RAP1GDS1: variants seen among roughly 807,000 people sequenced by gnomAD.
RAP1GDS1 encodes RAP1, GTP-GDP dissociation stimulator 1.
RAP1GDS1 carries 35 observed loss-of-function variants against 71.1 expected under a neutral mutation model. That is an observed-to-expected ratio of 0.49 (90% CI 0.38 to 0.65). The LOEUF is 0.65. Ranked by LOEUF, RAP1GDS1 falls within the 30% of genes least tolerant of loss-of-function variation. The pLI, the probability that RAP1GDS1 is intolerant of heterozygous loss-of-function variation, is 0.00. For missense variants in RAP1GDS1, 663 were observed against 706.1 expected (o/e 0.94, Z 0.69); for synonymous variants, 229 against 243.1 (o/e 0.94, Z 0.54).
In RAP1GDS1 at chr4:98,442,168, C is replaced by T. The variant is rs772102951; in HGVS notation, c.*51C>T. On this transcript the variant is annotated 3_prime_UTR_variant, in exon 15 of 15. Transcript: ENST00000408927. Reference sequence around the variant, plus strand: ...CCATCTCTAATTTCCCCTCTGTCCTCCATCCAGCGGCTTCTTCCGCTTCAT... The same window carrying T: ...CCATCTCTAATTTCCCCTCTGTCCTTCATCCAGCGGCTTCTTCCGCTTCAT... The T allele has an allele frequency of 1.3e-6, 2 of 1,594,682 alleles. No individual in the cohort carries two copies. Among genetic ancestry groups the T allele is most frequent in the Non-Finnish European group, 1.7e-6 (2 of 1,173,042 alleles).
intron 2 of RAP1GDS1, among the ~76,000 whole-genome samples, chr4:98,303,563 C>T (rs1365286362): frequency 6.7e-6 from 1 of 149,572 alleles, no homozygotes; most frequent in African/African-American, 2.4e-5. Context: ...GCTTATAAGA[C>T]TTGGGCCAGT....
At chr4:98,381,622 C>G (rs1171047070) in intron 5 of RAP1GDS1, among the ~76,000 whole-genome samples, 1 of 151,454 alleles carries the variant, frequency 6.6e-6, no homozygotes, top group East Asian at 1.9e-4. Context: ...TCTATTAGCA[C>G]TAATAAGTGA....
At chr4:98,329,372 T>G (rs912062475) in intron 2 of RAP1GDS1, among the ~76,000 whole-genome samples, 1 of 152,236 alleles carries the variant, frequency 6.6e-6, no homozygotes, top group African/African-American at 2.4e-5. Flanking sequence ...TATCATTTAT[T>G]TAATCTCATC....
intron 2 of RAP1GDS1, among the ~76,000 whole-genome samples, chr4:98,318,760 C>T (rs559247523): frequency 9.2e-5 from 14 of 152,176 alleles, no homozygotes; most frequent in South Asian, 4.1e-4. Flanking sequence ...GCATATACAG[C>T]GTGGATAAAG....
At chr4:98,423,649 A>G (rs932756672) in intron 12 of RAP1GDS1, among the ~76,000 whole-genome samples, 1 of 151,958 alleles carries the variant, frequency 6.6e-6, no homozygotes, top group Non-Finnish European at 1.5e-5. Flanking sequence ...GGATCAAGTG[A>G]TTCTCCTGCC....
chr4:98,390,769 A>T lies in RAP1GDS1; in HGVS notation c.509-1183A>T, dbSNP rs1473085863. Among the ~76,000 whole-genome samples the T allele has an allele frequency of 2.6e-5, 4 of 152,296 alleles. No homozygotes were observed. The East Asian group carries it at 7.7e-4, about 29-fold the overall frequency. On this transcript the variant is annotated intron_variant, in intron 5 of 14. Transcript: ENST00000408927. ...AGTAATAAAAAAAATTAGCAGGCCAACCCTGCCAAGGGATTGGAACTATGA... is the reference window on the plus strand; with the variant it reads ...AGTAATAAAAAAAATTAGCAGGCCATCCCTGCCAAGGGATTGGAACTATGA...
At chr4:98,427,557 A>G (rs573435338) in intron 12 of RAP1GDS1, among the ~76,000 whole-genome samples, 7 of 152,218 alleles carry the variant, frequency 4.6e-5, no homozygotes, top group South Asian at 4.1e-4. Context: ...TAGCTCTCCT[A>G]TCACCAAGAG....
chr4:98,280,026 C>T lies in RAP1GDS1; in HGVS notation c.5-13382C>T, dbSNP rs9990962. On this transcript the variant is annotated intron_variant, in intron 1 of 14. Transcript: ENST00000408927. The stretch of plus-strand genomic sequence containing the variant: ...TCTATCATTGGTGGACATTTGGGTT[C>T]GTTCCCAGTCTTTGCTATTGTGAAT... Among the ~76,000 whole-genome samples, 755 of 152,136 alleles carry T rather than the reference C, an allele frequency of 5.0e-3. 7 individuals carry two copies. Among genetic ancestry groups the T allele is most frequent in the South Asian group, 0.018 (86 of 4,814 alleles).
chr4:98,347,098 T>G (rs1442277109), intron 3 of RAP1GDS1, among the ~76,000 whole-genome samples: 1 of 152,236 alleles, frequency 6.6e-6, no homozygotes, highest in Non-Finnish European at 1.5e-5. Context: ...TTTATTTGGC[T>G]TGAAAATTTT....
intron 2 of RAP1GDS1, 58 bp from the exon 3 acceptor site, chr4:98,343,081 G>A (rs1735726754): frequency 1.3e-6 from 2 of 1,491,082 alleles, no homozygotes; most frequent in African/African-American, 1.4e-5. Flanking sequence ...GTAGATAATG[G>A]TTGTCAGTGT....
At chr4:98,294,851 T>C (rs1727486868) in intron 2 of RAP1GDS1, among the ~76,000 whole-genome samples, 1 of 152,152 alleles carries the variant, frequency 6.6e-6, no homozygotes. Flanking sequence ...TAGGCAGCTT[T>C]ACACAGTAAC....
intron 3 of RAP1GDS1, among the ~76,000 whole-genome samples, chr4:98,345,454 T>G (rs917353266): frequency 6.6e-6 from 1 of 152,204 alleles, no homozygotes; most frequent in Non-Finnish European, 1.5e-5. Flanking sequence ...GCGAGTTTAA[T>G]GTGGGAGGGT....
At chr4:98,337,926 T>G (rs535191836) in intron 2 of RAP1GDS1, among the ~76,000 whole-genome samples, 6 of 152,164 alleles carry the variant, frequency 3.9e-5, no homozygotes, top group African/African-American at 1.4e-4. Flanking sequence ...ATGTGGAGGA[T>G]TGCTTAAAAA....
intron 6 of RAP1GDS1, among the ~76,000 whole-genome samples, chr4:98,397,435 C>T (rs1203746481): frequency 2.0e-5 from 3 of 151,992 alleles, no homozygotes; most frequent in Non-Finnish European, 4.4e-5. Flanking sequence ...AATTTCAAGA[C>T]CAGCCTGCGT....
intron 12 of RAP1GDS1, among the ~76,000 whole-genome samples, chr4:98,424,862 G>A (rs961601533): frequency 1.3e-5 from 2 of 152,030 alleles, no homozygotes; most frequent in East Asian, 1.9e-4. Context: ...AGACCTAGAC[G>A]TCCAAATACA....
chr4:98,262,913 A>G (rs1308457649), intron 1 of RAP1GDS1, among the ~76,000 whole-genome samples: 1 of 152,210 alleles, frequency 6.6e-6, no homozygotes, highest in Admixed American at 6.5e-5. Context: ...GAATCAAAAA[A>G]GGTCTAGGGC....
chr4:98,340,476 T>C (rs1345492618), intron 2 of RAP1GDS1, among the ~76,000 whole-genome samples: 3 of 152,126 alleles, frequency 2.0e-5, no homozygotes, highest in African/African-American at 7.2e-5. Flanking sequence ...GGCTCACACC[T>C]GTAATCCCAG....
intron 1 of RAP1GDS1, among the ~76,000 whole-genome samples, chr4:98,274,702 T>G (rs933556008): frequency 2.6e-5 from 4 of 152,176 alleles, no homozygotes; most frequent in African/African-American, 9.7e-5. Flanking sequence ...CTTCATAGAC[T>G]CTAACTCTTC....
chr4:98,288,417 A>C (rs1390858641), intron 1 of RAP1GDS1, among the ~76,000 whole-genome samples: 1 of 152,156 alleles, frequency 6.6e-6, no homozygotes, highest in Admixed American at 6.6e-5. Flanking sequence ...ACATTTTCTT[A>C]ATCCCGTCTA....
Sources: gnomAD v4.1 joint callset for allele counts (sites outside exome capture counted in the v4.1 genomes callset) on GRCh38, gnomAD v4.1.1 for gene constraint, MANE v1.5 for transcripts, NCBI Gene and HGNC (gene_info 2026-07-23, HGNC 2026-07-21) for gene names.